Variants in HS6ST1 observed in about 807,000 individuals in gnomAD.
The protein encoded by HS6ST1 is heparan-sulfate 6-O-sulfotransferase 1.
HS6ST1 carries 3 observed loss-of-function variants against 25.2 expected under a neutral mutation model. The ratio of observed to expected loss-of-function variants is 0.12; its 90% CI spans 0.05 to 0.31. The LOEUF is 0.31. HS6ST1 is among the 10% of genes least tolerant of loss of function. HS6ST1 has a pLI of 1.00. For missense variants in HS6ST1, 310 were observed against 609.6 expected (o/e 0.51, Z 5.18); for synonymous variants, 204 against 275.1 (o/e 0.74, Z 2.56).
At chr2:128,317,267 C>G (rs961529778) in intron 1 of HS6ST1, among the ~76,000 whole-genome samples, 2 of 152,242 alleles carry the variant, frequency 1.3e-5, no homozygotes, top group African/African-American at 4.8e-5. Context: ...GCTGGGGGAC[C>G]CCAGAGAAGG....
At chr2:128,315,846 A>G (rs538003761) in intron 1 of HS6ST1, among the ~76,000 whole-genome samples, 1 of 152,300 alleles carries the variant, frequency 6.6e-6, no homozygotes, top group South Asian at 2.1e-4. Flanking sequence ...CAATCTACCT[A>G]GTGCCTGCAA....
At chr2:128,288,031 C>T (rs1027081716) in intron 1 of HS6ST1, among the ~76,000 whole-genome samples, 3 of 152,264 alleles carry the variant, frequency 2.0e-5, no homozygotes, top group Non-Finnish European at 4.4e-5. Flanking sequence ...TGACAGTGCC[C>T]TGCTTCTTCA....
chr2:128,278,025 G>C (rs1231825714), intron 1 of HS6ST1, among the ~76,000 whole-genome samples: 2 of 152,372 alleles, frequency 1.3e-5, no homozygotes, highest in African/African-American at 2.4e-5. Flanking sequence ...TCCAGAGTCT[G>C]GATTCTTACA....
At chr2:128,305,202 T>C (rs1353262743) in intron 1 of HS6ST1, among the ~76,000 whole-genome samples, 1 of 152,240 alleles carries the variant, frequency 6.6e-6, no homozygotes, top group African/African-American at 2.4e-5. Flanking sequence ...TTTACCCACT[T>C]GGCTGAAACC....
At chr2:128,316,212 G>A (rs933460538) in intron 1 of HS6ST1, among the ~76,000 whole-genome samples, 1 of 152,264 alleles carries the variant, frequency 6.6e-6, no homozygotes, top group South Asian at 2.1e-4. Context: ...GGACCCACAG[G>A]CGTGCGGGGC....
chr2:128,316,598 T>G (rs775996978), intron 1 of HS6ST1, among the ~76,000 whole-genome samples: 5 of 152,126 alleles, frequency 3.3e-5, no homozygotes, highest in Admixed American at 6.5e-5. Flanking sequence ...GAAGCAATCC[T>G]TCAGGGGCCC....
intron 1 of HS6ST1, among the ~76,000 whole-genome samples, chr2:128,304,960 G>A (rs1467234733): frequency 1.3e-5 from 2 of 152,238 alleles, no homozygotes; most frequent in African/African-American, 4.8e-5. Flanking sequence ...ATGGTCCCCA[G>A]GGCCTTCCTG....
intron 1 of HS6ST1, among the ~76,000 whole-genome samples, chr2:128,276,706 G>A (rs982834936): frequency 2.6e-5 from 4 of 152,278 alleles, no homozygotes; most frequent in South Asian, 2.1e-4. Flanking sequence ...GGCAGCCTGA[G>A]AGGCCCAGCT....
chr2:128,310,547 C>T (rs1694275009), intron 1 of HS6ST1, among the ~76,000 whole-genome samples: 1 of 152,142 alleles, frequency 6.6e-6, no homozygotes, highest in Admixed American at 6.5e-5. Context: ...AGGGGGAGAG[C>T]TGTCCTGGAT....
chr2:128,273,889 T>A (rs1162580429), intron 1 of HS6ST1, among the ~76,000 whole-genome samples: 2 of 152,096 alleles, frequency 1.3e-5, no homozygotes, highest in African/African-American at 4.8e-5. Flanking sequence ...CTCTCTGACA[T>A]GTGCTCTCTG....
At chr2:128,305,532 C>A (rs74752487) in intron 1 of HS6ST1, among the ~76,000 whole-genome samples, 4 of 152,196 alleles carry the variant, frequency 2.6e-5, no homozygotes, top group Admixed American at 6.5e-5. Context: ...CTGCAGTGGG[C>A]GGGAAGGAAG....
intron 1 of HS6ST1, among the ~76,000 whole-genome samples, chr2:128,292,858 C>T (rs913009027): frequency 2.6e-5 from 4 of 151,828 alleles, no homozygotes; most frequent in Admixed American, 2.6e-4. Flanking sequence ...AAAGACGGCT[C>T]GACTCACAGG....
At position 128,266,756 on chromosome 2, in the gene HS6ST1, G is replaced by A. The variant is rs1370517283; in HGVS notation, c.*1406C>T. ...ACCAATCTACTCTCTGGGGGATCCA[G>A]GGTGCCTGTGTGGGCCCTCCTAGAG... is the stretch of plus-strand genomic sequence containing the variant. On this transcript the variant is annotated 3_prime_UTR_variant, in exon 2 of 2. Coordinates refer to ENST00000259241, the MANE Select transcript of HS6ST1 (RefSeq NM_004807.3). 6.6e-6 allele frequency: 1 copy of A among 152,392 alleles called. No individual in the cohort carries two copies. The highest frequency in any genetic ancestry group is 2.4e-5 in the African/African-American group (1 of 41,444). 9.4% of individuals were successfully genotyped at this position (152,392 alleles called of 1,614,324 possible). A position where few individuals can be genotyped will look rare whatever the true frequency, so the allele number is the denominator to read the frequency against.
At chr2:128,283,186 G>A (rs1693811774) in intron 1 of HS6ST1, among the ~76,000 whole-genome samples, 1 of 152,210 alleles carries the variant, frequency 6.6e-6, no homozygotes, top group Non-Finnish European at 1.5e-5. Flanking sequence ...ACACAGTGCT[G>A]GGGCAGTGTC....
chr2:128,316,736 G>A (rs1264833390), intron 1 of HS6ST1, among the ~76,000 whole-genome samples: 1 of 151,744 alleles, frequency 6.6e-6, no homozygotes, highest in Non-Finnish European at 1.5e-5. Flanking sequence ...TGGGGGAGGG[G>A]GGAGAAAGAA....
At chr2:128,308,064 G>A (rs1450087920) in intron 1 of HS6ST1, among the ~76,000 whole-genome samples, 1 of 152,216 alleles carries the variant, frequency 6.6e-6, no homozygotes, top group Non-Finnish European at 1.5e-5. Context: ...AGTTTGATAA[G>A]GGTTCTGGAA....
At chr2:128,278,308 TTC>T (rs1693726597) in intron 1 of HS6ST1, among the ~76,000 whole-genome samples, 1 of 152,258 alleles carries the variant, frequency 6.6e-6, no homozygotes, top group South Asian at 2.1e-4. Flanking sequence ...TGCCTGCATC[TTC>T]TTATTGCTGA....
At position 128,267,893 on chromosome 2, in the gene HS6ST1, G is replaced by T; in HGVS notation, c.*269C>A. The T allele has an allele frequency of 1.7e-6, 1 of 582,268 alleles. No homozygotes were observed. The highest frequency in any genetic ancestry group is 2.2e-5 in the South Asian group (1 of 46,304). 36.1% of individuals were successfully genotyped at this position (582,268 alleles called of 1,614,324 possible). A position where few individuals can be genotyped will look rare whatever the true frequency, so the allele number is the denominator to read the frequency against. ...AAGGAGGCCAGGAGAGCAGCTCCAG[G>T]CACAACACCTGCTCTGGAGGCCCTG... On this transcript the variant is annotated 3_prime_UTR_variant, in exon 2 of 2. Transcript: ENST00000259241.
intron 1 of HS6ST1, among the ~76,000 whole-genome samples, chr2:128,273,297 C>T (rs1693639994): frequency 6.6e-6 from 1 of 152,236 alleles, no homozygotes; most frequent in Non-Finnish European, 1.5e-5. Flanking sequence ...TTGCCATGCC[C>T]TGGGTCCCCT....
Sources: gnomAD v4.1 joint callset for allele counts (sites outside exome capture counted in the v4.1 genomes callset) on GRCh38, gnomAD v4.1.1 for gene constraint, MANE v1.5 for transcripts, NCBI Gene and HGNC (gene_info 2026-07-23, HGNC 2026-07-21) for gene names.